Variants in TP73 observed in about 807,000 individuals in gnomAD.
TP73 encodes the protein tumor protein p73, also known as p53-like transcription factor.
Under a neutral mutation model 62.5 loss-of-function variants are expected in TP73, and 25 were observed. That is an observed-to-expected ratio of 0.40 (90% CI 0.29 to 0.56). The LOEUF is 0.56. Among genes scored for constraint, TP73 ranks in the 20% least tolerant of loss-of-function variants. TP73 has a pLI of 0.46. For synonymous variants in TP73, 423 were observed against 377.5 expected, an observed-to-expected ratio of 1.12 and a Z score of -1.40; for missense variants, 754 against 913.3, an observed-to-expected ratio of 0.83 and a Z score of 2.25.
intron 4 of TP73, among the ~76,000 whole-genome samples, chr1:3,714,001 T>A (rs368868047): frequency 1.2e-4 from 18 of 151,658 alleles, no homozygotes; most frequent in African/African-American, 4.1e-4. Context: ...ACCCCAAGGG[T>A]TGCAAACCCA....
rs1394981289 is a variant in TP73, at chr1:3,672,732, G to T, written c.-33-9601G>T. 2.0e-5 allele frequency among the ~76,000 whole-genome samples: 3 copies of T among 152,072 alleles called. No individual in the cohort carries two copies. The highest frequency in any genetic ancestry group is 7.2e-5 in the African/African-American group (3 of 41,380). On this transcript the variant is annotated intron_variant, in intron 1 of 13. Coordinates refer to ENST00000378295, the MANE Select transcript of TP73 (RefSeq NM_005427.4). The surrounding 1 kb of genome is among the most constrained non-coding windows in gnomAD (Gnocchi z 5.3). ...CCTTCCTCTAACAGGTGGGCTCCTG[G>T]CAGGAAACATCACCAAGCTCAGCGC...
chr1:3,701,378 T>C lies in TP73; in HGVS notation c.187-6171T>C, dbSNP rs1639155575. ...AGGCGTGGAGGTCATGCCTCGTGCATGGGAGCTTCCTGGACATTGGTTCCA... is the reference window on the plus strand; with the variant it reads ...AGGCGTGGAGGTCATGCCTCGTGCACGGGAGCTTCCTGGACATTGGTTCCA... On this transcript the variant is annotated intron_variant, in intron 3 of 13. Coordinates refer to ENST00000378295, the MANE Select transcript of TP73 (RefSeq NM_005427.4). The surrounding 1 kb of genome is among the most constrained non-coding windows in gnomAD (Gnocchi z 4.7). Among the ~76,000 whole-genome samples, 1 of 152,198 alleles carries C rather than the reference T, an allele frequency of 6.6e-6. No individual in the cohort carries two copies. Among genetic ancestry groups the C allele is most frequent in the South Asian group, 2.1e-4 (1 of 4,828 alleles).
chr1:3,684,206 C>T (rs899903097), intron 3 of TP73, among the ~76,000 whole-genome samples: 1 of 152,226 alleles, frequency 6.6e-6, no homozygotes, highest in Non-Finnish European at 1.5e-5. Flanking sequence ...TCGGCCCCGC[C>T]CACAGGCTGG....
rs575170762 is a variant in TP73 at position 3,733,754 on chromosome 1, C to T, written c.*675C>T. On this transcript the variant is annotated 3_prime_UTR_variant, in exon 14 of 14. Transcript: ENST00000378295. ...AAAACTGGGGAGGGCGCAACCCCCC[C>T]CAGGCGCGGGGAAGCATGTGGTACC... The T allele has an allele frequency of 6.6e-6, 1 of 152,438 alleles. No individual in the cohort carries two copies. Among genetic ancestry groups the T allele is most frequent in the Admixed American group, 6.5e-5 (1 of 15,308 alleles). The allele number at this position is 152,438 out of a possible 1,614,324, so 9.4% of individuals were successfully genotyped here. A position where few individuals can be genotyped will look rare whatever the true frequency, so the allele number is the denominator to read the frequency against.
intron 3 of TP73, among the ~76,000 whole-genome samples, chr1:3,683,388 T>C (rs1645570193): frequency 1.3e-5 from 2 of 152,126 alleles, no homozygotes; most frequent in Non-Finnish European, 2.9e-5. Context: ...GATTCAGGCA[T>C]GGCTGGATCC....
intron 3 of TP73, 24 bp downstream of exon 3, chr1:3,683,204 C>T (rs754692674): frequency 6.3e-7 from 1 of 1,591,142 alleles, no homozygotes; most frequent in Non-Finnish European, 8.6e-7. Context: ...CTGCCCTCTG[C>T]AAGAGGACTG....
intron 2 of TP73, 124 bp from the exon 3 acceptor site, chr1:3,682,936 G>T: frequency 1.5e-6 from 2 of 1,320,904 alleles, no homozygotes; most frequent in Non-Finnish European, 1.0e-6. Context: ...AGAGGGAATG[G>T]GAAGGGCAGG....
chr1:3,730,200 G>A, intron 11 of TP73, 52 bp downstream of exon 11: 1 of 1,463,510 alleles, frequency 6.8e-7, no homozygotes, highest in Non-Finnish European at 9.1e-7. Context: ...AGGCCCACTG[G>A]GGGCGCCTAG....
At position 3,663,000 on chromosome 1, in the gene TP73, C is replaced by T. The variant is rs987478396; in HGVS notation, c.-34+10359C>T. Among the ~76,000 whole-genome samples, 4 of 152,238 alleles carry T rather than the reference C, an allele frequency of 2.6e-5. No homozygotes were observed. Among genetic ancestry groups the T allele is most frequent in the Non-Finnish European group, 2.9e-5 (2 of 68,042 alleles). ...ACTGGCATGAGTAATCTGAGGGCGG[C>T]GCTTTCCTCACTGCAGTGGCATCAT... is the stretch of plus-strand genomic sequence containing the variant. On this transcript the variant is annotated intron_variant, in intron 1 of 13. Transcript: ENST00000378295. The surrounding 1 kb of genome is among the most constrained non-coding windows in gnomAD (Gnocchi z 4.4).
At chr1:3,702,867 C>T (rs114610116) in intron 3 of TP73, among the ~76,000 whole-genome samples, 3,507 of 152,348 alleles carry the variant, frequency 0.023, 129 homozygotes, top group African/African-American at 0.079. Context: ...GGTTCCTCCC[C>T]GTGGCTTCCG....
At position 3,663,409 on chromosome 1, in the gene TP73, C is replaced by A. The variant is rs189671011; in HGVS notation, c.-34+10768C>A. On this transcript the variant is annotated intron_variant, in intron 1 of 13. Transcript: ENST00000378295. This position sits in a 1 kb window ranked among gnomAD's most constrained non-coding sequence, Gnocchi z 4.7. ...CTGGGTTTGTGGGGTGTGGACAGCA[C>A]GGAGCGTGATGAAAGGATACAGGCG... 6.6e-6 allele frequency among the ~76,000 whole-genome samples: 1 copy of A among 152,118 alleles called. No individual in the cohort carries two copies. Among genetic ancestry groups the A allele is most frequent in the Non-Finnish European group, 1.5e-5 (1 of 68,020 alleles).
intron 10 of TP73, chr1:3,729,721 GC>G: frequency 1.3e-6 from 1 of 771,768 alleles, no homozygotes; most frequent in Non-Finnish European, 2.2e-6. Context: ...AGGAGGGGTG[GC>G]CAGAGTGACC....
chr1:3,698,689 C>T (rs761968079), intron 3 of TP73, among the ~76,000 whole-genome samples: 2 of 152,082 alleles, frequency 1.3e-5, no homozygotes, highest in Non-Finnish European at 2.9e-5. Flanking sequence ...GAGGGTGGGG[C>T]GAGGCCCTTG....
chr1:3,680,860 G>C (rs146367114), intron 1 of TP73, among the ~76,000 whole-genome samples: 1 of 152,250 alleles, frequency 6.6e-6, no homozygotes, highest in Non-Finnish European at 1.5e-5. Context: ...ACCTGGCCAC[G>C]TGATGGTGAA....
intron 1 of TP73, among the ~76,000 whole-genome samples, chr1:3,665,237 G>A (rs12058527): frequency 0.01 from 1,586 of 152,166 alleles, 27 homozygotes; most frequent in African/African-American, 0.036. Context: ...GATCAGGGAC[G>A]GCTCCTTGAC....
At chr1:3,668,352 G>A (rs557760001) in intron 1 of TP73, among the ~76,000 whole-genome samples, 48 of 152,268 alleles carry the variant, frequency 3.2e-4, no homozygotes, top group African/African-American at 9.1e-4. Context: ...TGTCCACTCC[G>A]TGCTGCTGCA....
In TP73 at chr1:3,706,717, C is replaced by T. The variant is rs60800404; in HGVS notation, c.187-832C>T. Among the ~76,000 whole-genome samples, 24 of 152,230 alleles carry T rather than the reference C, an allele frequency of 1.6e-4. No homozygotes were observed. The East Asian group carries it at 4.6e-3, about 29-fold the overall frequency. On this transcript the variant is annotated intron_variant, in intron 3 of 13. Coordinates refer to ENST00000378295, the MANE Select transcript of TP73 (RefSeq NM_005427.4). Reference sequence around the variant, plus strand: ...ACCCCCTCCCTCAGCTGGGGCCTCCCTTAAGCTCCTGGCAGAGGCTGATCC... The same window carrying T: ...ACCCCCTCCCTCAGCTGGGGCCTCCTTTAAGCTCCTGGCAGAGGCTGATCC...
rs1043178015 is a variant in TP73 at position 3,662,861 on chromosome 1, T to C, written c.-34+10220T>C. Among the ~76,000 whole-genome samples the C allele has an allele frequency of 7.9e-5, 12 of 152,122 alleles. No individual in the cohort carries two copies. The highest frequency in any genetic ancestry group is 2.4e-4 in the African/African-American group (10 of 41,424). On this transcript the variant is annotated intron_variant, in intron 1 of 13. Transcript: ENST00000378295. The surrounding 1 kb of genome is among the most constrained non-coding windows in gnomAD (Gnocchi z 4.4). Reference sequence around the variant, plus strand: ...GGGGAGCGCAGGGAGGGGTCCCCAGTGTGAGGACAGCATGGGGCTGCCTCT... The same window carrying C: ...GGGGAGCGCAGGGAGGGGTCCCCAGCGTGAGGACAGCATGGGGCTGCCTCT...
rs531928861 is a variant in TP73, at chr1:3,720,365, C to A, written c.430-1656C>A. ...GGGGTCGCAGGCAGGGGCAGTGGAG[C>A]CACTCTGGCTCCAGGGGCTCCAGGT... On this transcript the variant is annotated intron_variant, in intron 4 of 13. Transcript: ENST00000378295. Among the ~76,000 whole-genome samples, 3 of 152,330 alleles carry A rather than the reference C, an allele frequency of 2.0e-5. No homozygotes were observed. The South Asian group carries it at 6.2e-4, about 32-fold the overall frequency.
Sources: gnomAD v4.1 joint callset for allele counts (sites outside exome capture counted in the v4.1 genomes callset) on GRCh38, gnomAD v4.1.1 for gene constraint, Gnocchi (gnomAD v3.1) non-coding constraint, MANE v1.5 for transcripts, NCBI Gene and HGNC (gene_info 2026-07-23, HGNC 2026-07-21) for gene names.